The following CNTN2 variants were observed in gnomAD, a reference collection of about 807,000 sequenced individuals.
CNTN2 encodes contactin 2.
Under a neutral mutation model 117.5 loss-of-function variants are expected in CNTN2, and 53 were observed. That is an observed-to-expected ratio of 0.45 (90% CI 0.36 to 0.57). The LOEUF is 0.57. Among genes scored for constraint, CNTN2 ranks in the 20% least tolerant of loss-of-function variants. CNTN2 has a pLI of 0.00. For missense variants in CNTN2, 1,106 were observed against 1,404.3 expected (o/e 0.79, Z 3.39); for synonymous variants, 530 against 561.7 (o/e 0.94, Z 0.80).
At position 205,073,714 on chromosome 1, in the gene CNTN2, C is replaced by T. The variant is rs2151201250; in HGVS notation, c.3072C>T (p.Val1024=). ...GCCCAGCACCACACCCTGGCACCGTCATTTCCCACTCCGTGGCGATGCTGA... is the reference window on the plus strand; with the variant it reads ...GCCCAGCACCACACCCTGGCACCGTTATTTCCCACTCCGTGGCGATGCTGA... ...AVRPAPHPGT[V]ISHSVAMLIL... is the part of the protein sequence containing the mutation. Residue 1024 remains valine, a synonymous_variant, in exon 23 of 23, where the codon GTC becomes GTT. Transcript: ENST00000331830. The surrounding 1 kb of genome is among the most constrained non-coding windows in gnomAD (Gnocchi z 6.3). The T allele has an allele frequency of 1.9e-6, 3 of 1,614,094 alleles. No individual in the cohort carries two copies. In the South Asian group the frequency reaches 3.3e-5, roughly 18 times the overall value.
rs1654946356 is a variant in CNTN2 at position 205,078,121 on chromosome 1, ATAAG to A, written c.*4362_*4365del. 1 of 152,214 alleles carries A rather than the reference ATAAG, an allele frequency of 6.6e-6. No homozygotes were observed. The highest frequency in any genetic ancestry group is 1.5e-5 in the Non-Finnish European group (1 of 68,062). The allele number at this position is 152,214 out of a possible 1,614,324, so 9.4% of individuals were successfully genotyped here. A position where few individuals can be genotyped will look rare whatever the true frequency, so the allele number is the denominator to read the frequency against. On this transcript the variant is annotated 3_prime_UTR_variant, in exon 23 of 23. Coordinates refer to ENST00000331830, the MANE Select transcript of CNTN2 (RefSeq NM_005076.5). Reference sequence around the variant, plus strand: ...TTCTTTACCCCCCACACAGTGAAATATAAGTAAGTTACAACATACAGTCTATATT... The same window carrying A: ...TTCTTTACCCCCCACACAGTGAAATATAAGTTACAACATACAGTCTATATT...
At chr1:205,046,008 C>T (rs1170720080) in intron 1 of CNTN2, among the ~76,000 whole-genome samples, 1 of 152,122 alleles carries the variant, frequency 6.6e-6, no homozygotes, top group African/African-American at 2.4e-5. Context: ...TCCTTTTCAT[C>T]CCCTCATGCA....
intron 19 of CNTN2, among the ~76,000 whole-genome samples, chr1:205,071,151 C>G (rs747580974): frequency 1.3e-5 from 2 of 152,158 alleles, no homozygotes; most frequent in Non-Finnish European, 1.5e-5. Context: ...CCCCTTTCAT[C>G]CCAGAGCCCA....
In CNTN2 at chr1:205,052,717, G is replaced by A. The variant is rs569428983; in HGVS notation, c.-86-383G>A. ...CTGAGCCCACCTGCCAGAGGAAGAT[G>A]TTACTGACTTCCAACCCATGCACAA... On this transcript the variant is annotated intron_variant, in intron 1 of 22. Transcript: ENST00000331830. Among the ~76,000 whole-genome samples the A allele has an allele frequency of 1.1e-4, 17 of 152,342 alleles. 1 individual carries two copies. The highest frequency in any genetic ancestry group is 3.8e-4 in the African/African-American group (16 of 41,576).
At position 205,062,012 on chromosome 1, in the gene CNTN2, T is replaced by C. The variant is rs1654014303; in HGVS notation, c.1110+11T>C. On this transcript the variant is annotated intron_variant, in intron 9 of 22. Transcript: ENST00000331830. ...CCTCTGGCCTCCCAGGTAGGAGACA[T>C]GGGGCTTCCCCCGACACATCACAAC... 1 of 1,612,456 alleles carries C rather than the reference T, an allele frequency of 6.2e-7. No individual in the cohort carries two copies.
At chr1:205,066,640 G>T (rs571788243) in intron 15 of CNTN2, 41 bp downstream of exon 15, 3 of 1,606,148 alleles carry the variant, frequency 1.9e-6, no homozygotes, top group East Asian at 2.2e-5. Flanking sequence ...GATAAGGCTC[G>T]ACTGGGTGTA....
At chr1:205,049,748 C>T (rs2096449067) in intron 1 of CNTN2, among the ~76,000 whole-genome samples, 1 of 152,232 alleles carries the variant, frequency 6.6e-6, no homozygotes. Flanking sequence ...TGCCAGGCAT[C>T]AGGACGCAGC....
chr1:205,056,339 T>G (rs1377575094), intron 2 of CNTN2, among the ~76,000 whole-genome samples: 1 of 152,034 alleles, frequency 6.6e-6, no homozygotes, highest in African/African-American at 2.4e-5. Flanking sequence ...ACCACCATCA[T>G]TAACTTGGGA....
intron 1 of CNTN2, among the ~76,000 whole-genome samples, chr1:205,049,236 G>A (rs1440870303): frequency 6.7e-6 from 1 of 149,632 alleles, no homozygotes; most frequent in Non-Finnish European, 1.5e-5. Flanking sequence ...CAAACCTCCT[G>A]GTGGGTTTCA....
In CNTN2 at chr1:205,073,353, G is replaced by A; in HGVS notation, c.3013+117G>A. ...CTCTACCCGCAAAGGAAAGTGGAAG[G>A]CAGGCAGGAACCAAGTGCAAAGTAG... On this transcript the variant is annotated intron_variant, in intron 22 of 22. Transcript: ENST00000331830. The surrounding 1 kb of genome is among the most constrained non-coding windows in gnomAD (Gnocchi z 6.3). The A allele has an allele frequency of 7.7e-7, 1 of 1,307,178 alleles. No homozygotes were observed. Among genetic ancestry groups the A allele is most frequent in the Non-Finnish European group, 1.1e-6 (1 of 946,934 alleles). 81.0% of individuals were successfully genotyped at this position (1,307,178 alleles called of 1,614,324 possible).
rs1258293023 is a variant in CNTN2, at chr1:205,058,814, C to T, written c.487+151C>T. On this transcript the variant is annotated intron_variant, in intron 5 of 22. Coordinates refer to ENST00000331830, the MANE Select transcript of CNTN2 (RefSeq NM_005076.5). This position sits in a 1 kb window ranked among gnomAD's most constrained non-coding sequence, Gnocchi z 4.3. ...CCTAACTTTAAATGATCTGTGTTTC[C>T]TTTATAGGTCTGTCACTTTCCATCG... is the stretch of plus-strand genomic sequence containing the variant. 2 of 684,468 alleles carry T rather than the reference C, an allele frequency of 2.9e-6. No homozygotes were observed. Among genetic ancestry groups the T allele is most frequent in the Admixed American group, 2.9e-5 (1 of 34,618 alleles). The allele number at this position is 684,468 out of a possible 1,614,324, so 42.4% of individuals were successfully genotyped here.
chr1:205,065,936 A>G lies in CNTN2; in HGVS notation c.1816+27A>G. The G allele has an allele frequency of 6.3e-7, 1 of 1,586,328 alleles. No homozygotes were observed. The highest frequency in any genetic ancestry group is 8.6e-7 in the Non-Finnish European group (1 of 1,165,512). ...TGAGGGGTTTCCCACCTCTACCCCT[A>G]CCCCAACTCCCTTAAAACCCAGCTG... On this transcript the variant is annotated intron_variant, in intron 14 of 22. Coordinates refer to ENST00000331830, the MANE Select transcript of CNTN2 (RefSeq NM_005076.5). The surrounding 1 kb of genome is among the most constrained non-coding windows in gnomAD (Gnocchi z 4.1).
intron 1 of CNTN2, among the ~76,000 whole-genome samples, chr1:205,047,789 G>A: frequency 6.6e-6 from 1 of 152,154 alleles, no homozygotes; most frequent in East Asian, 1.9e-4. Flanking sequence ...AGATTTCTCA[G>A]TTCTAAGATC....
rs917886128 is a variant in CNTN2, at chr1:205,074,645, G to C, written c.*880G>C. ...AGACCCATTCTGCACAGTCCCTCCA[G>C]GGTTTGGGCAGGAGATGGCCAATCA... On this transcript the variant is annotated 3_prime_UTR_variant, in exon 23 of 23. Transcript: ENST00000331830. 1.8e-5 allele frequency: 7 copies of C among 398,962 alleles called. No homozygotes were observed. The highest frequency in any genetic ancestry group is 1.2e-4 in the African/African-American group (6 of 48,622). The allele number at this position is 398,962 out of a possible 1,614,324, so 24.7% of individuals were successfully genotyped here.
At chr1:205,056,727 G>A (rs796187398) in intron 2 of CNTN2, among the ~76,000 whole-genome samples, 2 of 152,306 alleles carry the variant, frequency 1.3e-5, no homozygotes, top group African/African-American at 2.4e-5. Flanking sequence ...CACCGCAGAA[G>A]CAAAACGGAC....
intron 1 of CNTN2, among the ~76,000 whole-genome samples, chr1:205,044,960 A>G (rs2096438913): frequency 6.6e-6 from 1 of 152,152 alleles, no homozygotes; most frequent in Admixed American, 6.5e-5. Flanking sequence ...CTTTTGCCAC[A>G]AGGTCAGAGT....
chr1:205,055,530 C>A (rs1203532303), intron 2 of CNTN2, among the ~76,000 whole-genome samples: 1 of 152,170 alleles, frequency 6.6e-6, no homozygotes, highest in Non-Finnish European at 1.5e-5. Flanking sequence ...CATATCCCAG[C>A]CTCCCTGCAG....
At chr1:205,046,744 T>C (rs2096442168) in intron 1 of CNTN2, among the ~76,000 whole-genome samples, 1 of 152,162 alleles carries the variant, frequency 6.6e-6, no homozygotes. Flanking sequence ...GTTGAAACCA[T>C]TGTTCTTACG....
Position 205,073,953 on chromosome 1 carries a change from A to G in CNTN2, c.*188A>G. ...TTCTGCCGCAGGATAGAACCCACGC[A>G]AGGATTTTCTTTAAATTGAGAGGCA... On this transcript the variant is annotated 3_prime_UTR_variant, in exon 23 of 23. Transcript: ENST00000331830. This position sits in a 1 kb window ranked among gnomAD's most constrained non-coding sequence, Gnocchi z 6.3. 1 of 605,334 alleles carries G rather than the reference A, an allele frequency of 1.7e-6. No individual in the cohort carries two copies. The allele number at this position is 605,334 out of a possible 1,614,324, so 37.5% of individuals were successfully genotyped here. A position where few individuals can be genotyped will look rare whatever the true frequency, so the allele number is the denominator to read the frequency against.
Sources: gnomAD v4.1 joint callset for allele counts (sites outside exome capture counted in the v4.1 genomes callset) on GRCh38, gnomAD v4.1.1 for gene constraint, Gnocchi (gnomAD v3.1) non-coding constraint, MANE v1.5 for transcripts, NCBI Gene and HGNC (gene_info 2026-07-23, HGNC 2026-07-21) for gene names.